Variants in SEL1L2 observed in about 807,000 individuals in gnomAD.
SEL1L2 encodes protein sel-1 homolog 2.
Under a neutral mutation model 98.8 loss-of-function variants are expected in SEL1L2, and 89 were observed. The observed-to-expected ratio is 0.90, with a 90% confidence interval of 0.76 to 1.07. SEL1L2 has a LOEUF of 1.07. SEL1L2 is among the 50% of genes least tolerant of loss of function. SEL1L2 has a pLI of 0.00. For synonymous variants in SEL1L2, 262 were observed against 278.5 expected (o/e 0.94, Z 0.59); for missense variants, 788 against 812.0 (o/e 0.97, Z 0.36).
At chr20:13,984,092 A>T (rs571588305) in intron 1 of SEL1L2, among the ~76,000 whole-genome samples, 113 of 150,212 alleles carry the variant, frequency 7.5e-4, no homozygotes, top group Non-Finnish European at 1.3e-3. Flanking sequence ...GCTCACTGCA[A>T]CCTCTGCCTC....
chr20:13,867,638 A>C (rs2045988299), intron 14 of SEL1L2, among the ~76,000 whole-genome samples: 1 of 152,240 alleles, frequency 6.6e-6, no homozygotes, highest in Non-Finnish European at 1.5e-5. Flanking sequence ...TGCTCATCAC[A>C]GTGGATACAC....
chr20:13,853,130 A>G (rs1988545023), intron 18 of SEL1L2, among the ~76,000 whole-genome samples: 1 of 152,208 alleles, frequency 6.6e-6, no homozygotes, highest in Non-Finnish European at 1.5e-5. Flanking sequence ...ATAATATTAC[A>G]TCTTCTGTTT....
intron 12 of SEL1L2, among the ~76,000 whole-genome samples, chr20:13,874,485 C>T (rs896381112): frequency 1.3e-5 from 2 of 152,076 alleles, no homozygotes; most frequent in African/African-American, 2.4e-5. Context: ...GTTCCACAAC[C>T]CTGAATAGCT....
chr20:13,954,267 G>A (rs1254119628), intron 2 of SEL1L2, among the ~76,000 whole-genome samples: 1 of 152,206 alleles, frequency 6.6e-6, no homozygotes, highest in East Asian at 1.9e-4. Context: ...GGGTAGAGAT[G>A]GAGAGAGGGT....
chr20:13,902,579 T>C (rs1054394009), intron 5 of SEL1L2, among the ~76,000 whole-genome samples: 44 of 152,320 alleles, frequency 2.9e-4, no homozygotes, highest in African/African-American at 1.0e-3. Context: ...CTCCATCCCT[T>C]GGTCATGACT....
intron 2 of SEL1L2, among the ~76,000 whole-genome samples, chr20:13,934,771 A>G (rs2049371175): frequency 6.6e-6 from 1 of 151,084 alleles, no homozygotes; most frequent in Non-Finnish European, 1.5e-5. Flanking sequence ...CCATGCCAAC[A>G]TCTGTTTTTT....
chr20:13,979,183 C>T (rs2051690665), intron 1 of SEL1L2, among the ~76,000 whole-genome samples: 1 of 152,132 alleles, frequency 6.6e-6, no homozygotes, highest in South Asian at 2.1e-4. Flanking sequence ...TTTTCTCACT[C>T]ATATGTGGAA....
chr20:13,878,974 C>G (rs2046564850), intron 10 of SEL1L2, among the ~76,000 whole-genome samples: 1 of 152,148 alleles, frequency 6.6e-6, no homozygotes. Context: ...TAAGTTTTTG[C>G]AAACTTTTTC....
chr20:13,897,621 A>T (rs945256440), intron 5 of SEL1L2, among the ~76,000 whole-genome samples: 2 of 152,198 alleles, frequency 1.3e-5, no homozygotes, highest in Non-Finnish European at 2.9e-5. Flanking sequence ...TCCAAAGAAG[A>T]TATACAAATG....
At chr20:13,901,225 C>T (rs538550689) in intron 5 of SEL1L2, among the ~76,000 whole-genome samples, 1 of 151,940 alleles carries the variant, frequency 6.6e-6, no homozygotes, top group East Asian at 1.9e-4. Flanking sequence ...CGCCTGCCCC[C>T]ATGCCCGGCT....
intron 12 of SEL1L2, among the ~76,000 whole-genome samples, chr20:13,872,370 T>C (rs1050361771): frequency 5.3e-5 from 8 of 152,238 alleles, no homozygotes; most frequent in African/African-American, 1.4e-4. Flanking sequence ...TGATAGTGAG[T>C]GAGTTCTCAT....
chr20:13,977,842 GA>G (rs934979987), intron 1 of SEL1L2, among the ~76,000 whole-genome samples: 5 of 151,916 alleles, frequency 3.3e-5, no homozygotes, highest in African/African-American at 4.8e-5. Flanking sequence ...AAAATTTGAT[GA>G]AAAAAATTCA....
intron 12 of SEL1L2, among the ~76,000 whole-genome samples, chr20:13,870,861 T>G (rs2147860758): frequency 7.0e-6 from 1 of 143,248 alleles, no homozygotes; most frequent in African/African-American, 2.6e-5. Context: ...GAGTGGAGGT[T>G]GCAGTGAGCC....
At chr20:13,939,818 C>T (rs1569008245) in intron 2 of SEL1L2, among the ~76,000 whole-genome samples, 1 of 152,102 alleles carries the variant, frequency 6.6e-6, no homozygotes, top group Non-Finnish European at 1.5e-5. Context: ...AGGCACACAC[C>T]ACCATGCCCA....
At chr20:13,953,984 A>G in intron 2 of SEL1L2, among the ~76,000 whole-genome samples, 1 of 152,242 alleles carries the variant, frequency 6.6e-6, no homozygotes, top group South Asian at 2.1e-4. Context: ...GGAAGGAAAT[A>G]GCACACAGAA....
chr20:13,869,221 C>T (rs1408350511), intron 14 of SEL1L2, among the ~76,000 whole-genome samples: 1 of 152,092 alleles, frequency 6.6e-6, no homozygotes, highest in African/African-American at 2.4e-5. Context: ...TAAGTTTGAC[C>T]TTTCTCGTGA....
intron 5 of SEL1L2, among the ~76,000 whole-genome samples, chr20:13,907,774 T>G (rs192802964): frequency 1.4e-3 from 213 of 150,564 alleles, no homozygotes; most frequent in Middle Eastern, 6.9e-3. Context: ...TTCTTTTTTT[T>G]TCTTTATTTG....
rs1292500203 is a variant in SEL1L2, at chr20:13,866,689, A to G, written c.1404+13T>C. ...TGACAAGTGCTTTAAAAACAGCCGC[A>G]TATTATATTTACCTCCACAGCAGTT... On this transcript the variant is annotated intron_variant, in intron 15 of 19. Transcript: ENST00000284951. The G allele has an allele frequency of 4.5e-6, 7 of 1,539,552 alleles. No homozygotes were observed. The African/African-American group carries it at 8.4e-5, about 19-fold the overall frequency.
intron 2 of SEL1L2, among the ~76,000 whole-genome samples, chr20:13,943,916 C>G (rs1016766336): frequency 1.3e-5 from 2 of 152,084 alleles, no homozygotes; most frequent in African/African-American, 4.8e-5. Context: ...AAGCACCACT[C>G]AGTTGGTTAA....
Sources: gnomAD v4.1 joint callset for allele counts (sites outside exome capture counted in the v4.1 genomes callset) on GRCh38, gnomAD v4.1.1 for gene constraint, MANE v1.5 for transcripts, NCBI Gene and HGNC (gene_info 2026-07-23, HGNC 2026-07-21) for gene names.